Variants in ALG9 observed in about 807,000 individuals in gnomAD.
ALG9 encodes the protein ALG9 alpha-1,2-mannosyltransferase, also known as alpha-1,2-mannosyltransferase ALG9.
A neutral mutation model predicts 81.8 loss-of-function variants in ALG9; 55 were observed. The ratio of observed to expected loss-of-function variants is 0.67; its 90% CI spans 0.54 to 0.84. The LOEUF (loss-of-function observed/expected upper bound fraction) is 0.84, where lower values mean the gene tolerates loss of function less well. Ranked by LOEUF, ALG9 falls within the 40% of genes least tolerant of loss-of-function variation. The pLI is 0.00. For missense variants in ALG9, 629 were observed against 745.0 expected, an observed-to-expected ratio of 0.84 and a Z score of 1.81; for synonymous variants, 278 against 274.3, an observed-to-expected ratio of 1.01 and a Z score of -0.13.
chr11:111,833,311 C>A (rs1219328213), intron 13 of ALG9, among the ~76,000 whole-genome samples: 2 of 152,286 alleles, frequency 1.3e-5, no homozygotes, highest in Admixed American at 1.3e-4. Flanking sequence ...GGCAGAAAAT[C>A]TTGGCAATCT....
chr11:111,864,240 C>G (rs1165262178), intron 4 of ALG9: 1 of 911,968 alleles, frequency 1.1e-6, no homozygotes, highest in East Asian at 2.5e-5. Context: ...ACTGGCCCGG[C>G]CCTCACGTGC....
At chr11:111,774,452 A>C in the ALG9 span, among the ~76,000 whole-genome samples, 1 of 152,248 alleles carries the variant, frequency 6.6e-6, no homozygotes, top group Admixed American at 6.5e-5. Context: ...TGTGTAAAAT[A>C]GAATGCACAC....
At chr11:111,863,420 C>T (rs673526) in intron 4 of ALG9, among the ~76,000 whole-genome samples, 133,491 of 152,258 alleles carry the variant, frequency 0.88, 58,717 homozygotes, top group East Asian at 0.98. Context: ...CATAGGTGAT[C>T]TGAATTCAGG....
At chr11:111,773,368 C>T in the ALG9 span, among the ~76,000 whole-genome samples, 1 of 152,134 alleles carries the variant, frequency 6.6e-6, no homozygotes, top group Non-Finnish European at 1.5e-5. Context: ...CCTCAGCCTC[C>T]CAAGTAGCTG....
At chr11:111,862,104 T>C (rs1413095234) in intron 4 of ALG9, among the ~76,000 whole-genome samples, 1 of 152,218 alleles carries the variant, frequency 6.6e-6, no homozygotes, top group African/African-American at 2.4e-5. Flanking sequence ...AGCATCTTTT[T>C]TTCCCATCAT....
Position 111,869,665 on chromosome 11 carries a change from G to A in ALG9, c.270+567C>T, listed in dbSNP as rs989164722. 3.9e-5 allele frequency among the ~76,000 whole-genome samples: 6 copies of A among 152,290 alleles called. No homozygotes were observed. The South Asian group carries it at 1.0e-3, about 26-fold the overall frequency. ...AATTCCCTACAGCCTTCAATAGCAGGTAAATCATCCGCTTAGAATACAAAA... is the reference window on the plus strand; with the variant it reads ...AATTCCCTACAGCCTTCAATAGCAGATAAATCATCCGCTTAGAATACAAAA... On this transcript the variant is annotated intron_variant, in intron 2 of 14. Transcript: ENST00000616540.
the ALG9 span, among the ~76,000 whole-genome samples, chr11:111,774,785 G>A: frequency 6.6e-6 from 1 of 152,264 alleles, no homozygotes; most frequent in African/African-American, 2.4e-5. Flanking sequence ...ACTACAGACT[G>A]TGCTCTCTGC....
At chr11:111,836,640 G>C (rs1955323412) in intron 12 of ALG9, 1 of 334,188 alleles carries the variant, frequency 3.0e-6, no homozygotes, top group Non-Finnish European at 5.8e-6. Context: ...CAGGTGTAGA[G>C]AAAAAGAATG....
intron 14 of ALG9, among the ~76,000 whole-genome samples, chr11:111,806,351 A>AC (rs1555085292): frequency 6.6e-6 from 1 of 151,978 alleles, no homozygotes; most frequent in African/African-American, 2.4e-5. Flanking sequence ...CAGTCCCTAC[A>AC]CCCCCACCCA....
chr11:111,782,085 C>T (rs564952120), downstream of ALG9: 2 of 152,354 alleles, frequency 1.3e-5, no homozygotes, highest in East Asian at 1.9e-4. Context: ...GGTCTCCACA[C>T]TGAGGAATAG....
Position 111,844,589 on chromosome 11 carries a change from T to C in ALG9, c.1018+12A>G. The C allele has an allele frequency of 6.2e-7, 1 of 1,613,906 alleles. No homozygotes were observed. The highest frequency in any genetic ancestry group is 8.5e-7 in the Non-Finnish European group (1 of 1,179,914). ...TCCTCCCAAAACACCTACCATCTCT[T>C]ATGCCACTCACCATGAAATCTCTGC... is the stretch of plus-strand genomic sequence containing the variant. On this transcript the variant is annotated intron_variant, in intron 9 of 14. Transcript: ENST00000616540.
At chr11:111,781,174 C>G (rs923155953), downstream of ALG9, among the ~76,000 whole-genome samples, 10 of 152,142 alleles carry the variant, frequency 6.6e-5, no homozygotes, top group Non-Finnish European at 4.4e-5. Flanking sequence ...AGAAATAAAT[C>G]AAACCAAGTT....
downstream of ALG9, among the ~76,000 whole-genome samples, chr11:111,781,248 T>C (rs564911584): frequency 1.0e-3 from 154 of 152,306 alleles, 1 homozygote; most frequent in African/African-American, 3.6e-3. Context: ...AGATGGCTGC[T>C]AGAAGTTATA....
chr11:111,786,298 C>T lies in ALG9; in HGVS notation c.*99G>A. The T allele has an allele frequency of 1.3e-6, 2 of 1,564,450 alleles. No homozygotes were observed. The highest frequency in any genetic ancestry group is 1.4e-5 in the African/African-American group (1 of 73,884). On this transcript the variant is annotated 3_prime_UTR_variant, in exon 15 of 15. Coordinates refer to ENST00000616540, the MANE Select transcript of ALG9 (RefSeq NM_024740.2). ...AGATTCCAGTATTCATGTCAGAAGA[C>T]CTTTATTACAAATGTTACAGGCGAT...
chr11:111,796,263 G>A (rs1236437683), intron 14 of ALG9, among the ~76,000 whole-genome samples: 1 of 152,164 alleles, frequency 6.6e-6, no homozygotes, highest in Non-Finnish European at 1.5e-5. Context: ...ACTCTATAAT[G>A]TGCTAGGAGT....
chr11:111,853,755 G>A lies in ALG9; in HGVS notation c.702-19C>T. 6.3e-7 allele frequency: 1 copy of A among 1,596,038 alleles called. No individual in the cohort carries two copies. Among genetic ancestry groups the A allele is most frequent in the Non-Finnish European group, 8.6e-7 (1 of 1,163,552 alleles). ...GGGTAAACTATTTAACAGAGAAACA[G>A]AGCGGGGAGTTAAATAAATACTGAC... On this transcript the variant is annotated intron_variant, in intron 6 of 14. Transcript: ENST00000616540.
chr11:111,870,305 A>C lies in ALG9; in HGVS notation c.197T>G (p.Leu66Arg), dbSNP rs782286642. The change falls in exon 2 of 15, where the codon CTT (leucine) becomes CGT (arginine). Residue 66 changes from leucine (L) to arginine (R), a missense_variant. Physicochemically the swap from Leu to Arg is moderately radical, Grantham distance 102 (BLOSUM62 -2). This residue lies in a region of ALG9 where 344 missense variants were observed against 390.5 expected (regional missense o/e 0.88). Coordinates refer to ENST00000616540, the MANE Select transcript of ALG9 (RefSeq NM_024740.2). ...PEGSTAFKCL[L>R]SARLCAALLS... The stretch of plus-strand genomic sequence containing the variant: ...GAGAGCAGCACATAACCTTGCTGAA[A>C]GCAGACACTTGAAAGCAGTAGATCC... 1 of 1,612,074 alleles carries C rather than the reference A, an allele frequency of 6.2e-7. No individual in the cohort carries two copies. The highest frequency in any genetic ancestry group is 8.5e-7 in the Non-Finnish European group (1 of 1,179,392).
intron 4 of ALG9, among the ~76,000 whole-genome samples, chr11:111,864,754 C>T (rs1555151170): frequency 6.6e-6 from 1 of 151,744 alleles, no homozygotes; most frequent in Non-Finnish European, 1.5e-5. Context: ...ATATCAGGAG[C>T]TAGGAGGAAA....
chr11:111,840,870 T>G, intron 9 of ALG9, 61 bp from the exon 10 acceptor site: 1 of 1,596,776 alleles, frequency 6.3e-7, no homozygotes, highest in Non-Finnish European at 8.6e-7. Flanking sequence ...CATATTTAGT[T>G]TTAGTGTTAT....
Sources: allele counts gnomAD v4.1 joint callset (sites outside exome capture counted in the v4.1 genomes callset), GRCh38; gene constraint gnomAD v4.1.1; regional missense constraint gnomAD v4.1.1; transcripts MANE v1.5; gene names NCBI Gene and HGNC (gene_info 2026-07-23, HGNC 2026-07-21).